Variants in ME1 observed in about 807,000 individuals in gnomAD.
The protein encoded by ME1 is NADP-dependent malic enzyme.
Under a neutral mutation model 66.4 loss-of-function variants are expected in ME1, and 74 were observed. The ratio of observed to expected loss-of-function variants is 1.11; its 90% CI spans 0.92 to 1.35. ME1 has a LOEUF of 1.35. Among genes scored for constraint, ME1 ranks in the 40% most tolerant of loss-of-function variants. The pLI, the probability that ME1 is intolerant of heterozygous loss-of-function variation, is 0.00. For synonymous variants in ME1, 251 were observed against 235.6 expected, an observed-to-expected ratio of 1.07 and a Z score of -0.60; for missense variants, 750 against 694.1, an observed-to-expected ratio of 1.08 and a Z score of -0.90.
chr6:83,314,013 T>A (rs1767978772), intron 6 of ME1, among the ~76,000 whole-genome samples: 1 of 152,178 alleles, frequency 6.6e-6, no homozygotes, highest in African/African-American at 2.4e-5. Context: ...GAAGTGCATC[T>A]CTAGTTAGAG....
At position 83,345,984 on chromosome 6, in the gene ME1, CG is replaced by C. The variant is rs766277239; in HGVS notation, c.600+188del. Among the ~76,000 whole-genome samples the C allele has an allele frequency of 5.3e-5, 8 of 151,880 alleles. No individual in the cohort carries two copies. In the South Asian group the frequency reaches 1.2e-3, roughly 24 times the overall value. On this transcript the variant is annotated intron_variant, in intron 5 of 13. Coordinates refer to ENST00000369705, the MANE Select transcript of ME1 (RefSeq NM_002395.6). ...AGGGAAGCAAATAAAAGATTAATCACGTTATTAAGATGGGAAAAGGAGAACA... is the reference window on the plus strand; with the variant it reads ...AGGGAAGCAAATAAAAGATTAATCACTTATTAAGATGGGAAAAGGAGAACA...
intron 5 of ME1, among the ~76,000 whole-genome samples, chr6:83,341,804 C>T (rs1583390700): frequency 6.6e-6 from 1 of 152,258 alleles, no homozygotes; most frequent in African/African-American, 2.4e-5. Flanking sequence ...CCAGAGGCTA[C>T]TCCCTTTGCA....
intron 3 of ME1, among the ~76,000 whole-genome samples, chr6:83,373,363 G>A (rs1769229242): frequency 6.6e-6 from 1 of 152,006 alleles, no homozygotes; most frequent in African/African-American, 2.4e-5. Context: ...AGCCTCCCCA[G>A]TAGCTGGGAC....
At chr6:83,287,400 G>A (rs911529475) in intron 6 of ME1, among the ~76,000 whole-genome samples, 5 of 152,202 alleles carry the variant, frequency 3.3e-5, no homozygotes, top group South Asian at 4.1e-4. Flanking sequence ...GAGAACATGC[G>A]GTGTTTGGTT....
intron 7 of ME1, among the ~76,000 whole-genome samples, chr6:83,245,222 TGGAG>T (rs1300674006): frequency 1.3e-5 from 2 of 152,038 alleles, no homozygotes; most frequent in Non-Finnish European, 2.9e-5. Context: ...CATTGACTGA[TGGAG>T]GGAAGAAAAT....
chr6:83,253,746 A>T lies in ME1; in HGVS notation c.705-8T>A. The stretch of plus-strand genomic sequence containing the variant: ...AGGCAATTCATGCCATACCTATGGG[A>T]CAAAAACATTCATATTAGAAGAGGT... On this transcript the variant is annotated splice_region_variant and splice_polypyrimidine_tract_variant and intron_variant, in intron 6 of 13. Transcript: ENST00000369705. 1 of 1,414,998 alleles carries T rather than the reference A, an allele frequency of 7.1e-7. No homozygotes were observed. The highest frequency in any genetic ancestry group is 1.0e-6 in the Non-Finnish European group (1 of 1,002,832). The allele number at this position is 1,414,998 out of a possible 1,614,324, so 87.7% of individuals were successfully genotyped here.
In ME1 at chr6:83,420,013, C is replaced by A. The variant is rs541218338; in HGVS notation, c.78+10864G>T. Among the ~76,000 whole-genome samples, 3 of 152,136 alleles carry A rather than the reference C, an allele frequency of 2.0e-5. No homozygotes were observed. In the South Asian group the frequency reaches 6.2e-4, roughly 32 times the overall value. On this transcript the variant is annotated intron_variant, in intron 1 of 13. Transcript: ENST00000369705. ...AGAGGGGACTTCACTGAAAAGCAGG[C>A]CTTCTTGTAATTCTCTCATTTCTTC...
intron 3 of ME1, among the ~76,000 whole-genome samples, chr6:83,385,280 C>T (rs954845626): frequency 4.0e-5 from 6 of 151,838 alleles, no homozygotes; most frequent in African/African-American, 1.5e-4. Flanking sequence ...TAGTAAAGAA[C>T]AGTGAGATTT....
chr6:83,360,825 T>C (rs928180040), intron 3 of ME1, among the ~76,000 whole-genome samples: 1 of 152,234 alleles, frequency 6.6e-6, no homozygotes, highest in Non-Finnish European at 1.5e-5. Flanking sequence ...GTGACTCCAA[T>C]TGCAGCTGCT....
chr6:83,401,837 G>C (rs1769846691), intron 2 of ME1, among the ~76,000 whole-genome samples: 1 of 152,084 alleles, frequency 6.6e-6, no homozygotes, highest in Non-Finnish European at 1.5e-5. Context: ...CATTCTCCAG[G>C]GTAATTAGCC....
intron 5 of ME1, among the ~76,000 whole-genome samples, chr6:83,345,263 T>C (rs1041949409): frequency 6.6e-6 from 1 of 152,232 alleles, no homozygotes; most frequent in African/African-American, 2.4e-5. Flanking sequence ...CTATTGGTAT[T>C]AGAAAATGCC....
intron 6 of ME1, among the ~76,000 whole-genome samples, chr6:83,310,807 T>C (rs1292991061): frequency 1.3e-5 from 2 of 152,134 alleles, no homozygotes; most frequent in Non-Finnish European, 2.9e-5. Context: ...GGCCCTCCTT[T>C]GTAGATACAA....
intron 6 of ME1, among the ~76,000 whole-genome samples, chr6:83,293,087 C>T (rs571276434): frequency 2.6e-5 from 4 of 152,272 alleles, no homozygotes; most frequent in African/African-American, 7.2e-5. Context: ...ATCCCCTGAC[C>T]GCTTGCACTT....
intron 1 of ME1, 89 bp from the exon 2 acceptor site, chr6:83,407,990 C>T: frequency 1.4e-6 from 2 of 1,417,270 alleles, no homozygotes; most frequent in East Asian, 2.5e-5. Context: ...CAAGTATATG[C>T]AATTAAAAAT....
chr6:83,301,060 T>TG (rs1265120076), intron 6 of ME1, among the ~76,000 whole-genome samples: 5 of 150,800 alleles, frequency 3.3e-5, no homozygotes, highest in African/African-American at 1.2e-4. Flanking sequence ...ATGGGGGGAG[T>TG]GGGGAGGGAT....
chr6:83,409,622 G>A (rs1273312227), intron 1 of ME1, among the ~76,000 whole-genome samples: 3 of 152,160 alleles, frequency 2.0e-5, no homozygotes. Flanking sequence ...TTAGCCTCCT[G>A]GGTTGAGGGC....
intron 5 of ME1, among the ~76,000 whole-genome samples, chr6:83,327,062 G>A (rs1165650824): frequency 6.6e-6 from 1 of 152,126 alleles, no homozygotes; most frequent in African/African-American, 2.4e-5. Context: ...AACACAAATT[G>A]TAAAGATTTC....
chr6:83,409,342 T>C (rs1770003819), intron 1 of ME1, among the ~76,000 whole-genome samples: 1 of 152,314 alleles, frequency 6.6e-6, no homozygotes, highest in African/African-American at 2.4e-5. Context: ...ACTGAGTGAT[T>C]CTACAATCAT....
At chr6:83,341,508 A>G (rs995847244) in intron 5 of ME1, among the ~76,000 whole-genome samples, 1 of 152,184 alleles carries the variant, frequency 6.6e-6, no homozygotes, top group Non-Finnish European at 1.5e-5. Context: ...AACTCTGGGT[A>G]CAGCTAAACT....
Sources: allele counts gnomAD v4.1 joint callset (sites outside exome capture counted in the v4.1 genomes callset), GRCh38; gene constraint gnomAD v4.1.1; transcripts MANE v1.5; gene names NCBI Gene and HGNC (gene_info 2026-07-23, HGNC 2026-07-21).